Variants in RGL1 observed in about 807,000 individuals in gnomAD.
RGL1 encodes the protein ral guanine nucleotide dissociation stimulator like 1.
RGL1 carries 24 observed loss-of-function variants against 95.2 expected under a neutral mutation model. The observed-to-expected ratio is 0.25, with a 90% confidence interval of 0.18 to 0.35. The LOEUF is 0.35. RGL1 is among the 10% of genes least tolerant of loss of function. RGL1 has a pLI of 1.00. For missense variants in RGL1, 715 were observed against 936.3 expected (o/e 0.76, Z 3.08); for synonymous variants, 329 against 344.9 (o/e 0.95, Z 0.51).
chr1:183,681,524 C>T (rs1653212183), intron 1 of RGL1, among the ~76,000 whole-genome samples: 1 of 152,174 alleles, frequency 6.6e-6, no homozygotes, highest in East Asian at 1.9e-4. Flanking sequence ...AGGGATGAAG[C>T]TGACTTGATC....
intron 1 of RGL1, among the ~76,000 whole-genome samples, chr1:183,643,048 C>A (rs1650034950): frequency 1.3e-5 from 2 of 152,276 alleles, no homozygotes; most frequent in African/African-American, 4.8e-5. Flanking sequence ...GTTTATTTAA[C>A]TTGGCATAAT....
chr1:183,902,684 C>A, intron 12 of RGL1, 84 bp downstream of exon 12: 2 of 1,377,618 alleles, frequency 1.5e-6, no homozygotes, highest in South Asian at 1.3e-5. Context: ...TTTGTAGAGG[C>A]AGAAAAAAAT....
At chr1:183,725,318 A>G (rs1656250856) in intron 1 of RGL1, among the ~76,000 whole-genome samples, 1 of 152,200 alleles carries the variant, frequency 6.6e-6, no homozygotes, top group African/African-American at 2.4e-5. Context: ...TAATTTATAA[A>G]GGAAAGAGGT....
At chr1:183,639,648 A>G (rs1322467211) in intron 1 of RGL1, among the ~76,000 whole-genome samples, 2 of 151,912 alleles carry the variant, frequency 1.3e-5, no homozygotes, top group Non-Finnish European at 2.9e-5. Flanking sequence ...ATTAAAGTGG[A>G]ATAGATAGGG....
At chr1:183,794,092 A>ACG (rs1660575976) in intron 2 of RGL1, among the ~76,000 whole-genome samples, 1 of 149,626 alleles carries the variant, frequency 6.7e-6, no homozygotes, top group South Asian at 2.1e-4. Context: ...ACACACACAC[A>ACG]CGAATACTAT....
At chr1:183,906,544 A>T (rs748801700) in intron 13 of RGL1, among the ~76,000 whole-genome samples, 15 of 152,202 alleles carry the variant, frequency 9.9e-5, no homozygotes, top group Non-Finnish European at 2.2e-4. Flanking sequence ...GATCAGATAG[A>T]TTACAAAAGT....
At chr1:183,849,483 G>GTTTTTTTTTTTTTTT (rs1418103960) in intron 3 of RGL1, among the ~76,000 whole-genome samples, 4 of 120,852 alleles carry the variant, frequency 3.3e-5, no homozygotes, top group East Asian at 2.5e-4. Flanking sequence ...CCAGTTTTTA[G>GTTTTTTTTTTTTTTT]TTTTTTTTTT....
At chr1:183,680,274 G>A (rs1292446145) in intron 1 of RGL1, among the ~76,000 whole-genome samples, 1 of 152,066 alleles carries the variant, frequency 6.6e-6, no homozygotes, top group African/African-American at 2.4e-5. Flanking sequence ...TGGTGTTTTA[G>A]TCATGAAGTC....
intron 1 of RGL1, among the ~76,000 whole-genome samples, chr1:183,687,693 A>C (rs982282862): frequency 6.6e-6 from 1 of 152,160 alleles, no homozygotes; most frequent in Non-Finnish European, 1.5e-5. Flanking sequence ...ACAATGATGT[A>C]AAAGGGAACA....
chr1:183,663,721 C>T (rs1651822276), intron 1 of RGL1, among the ~76,000 whole-genome samples: 1 of 151,472 alleles, frequency 6.6e-6, no homozygotes, highest in African/African-American at 2.4e-5. Context: ...GGGTATATAC[C>T]CAAAGGACTA....
At chr1:183,738,359 T>C (rs1657071433) in intron 1 of RGL1, among the ~76,000 whole-genome samples, 1 of 151,622 alleles carries the variant, frequency 6.6e-6, no homozygotes, top group Non-Finnish European at 1.5e-5. Flanking sequence ...AGGCAGAGGT[T>C]GCAGTAAGCT....
intron 2 of RGL1, among the ~76,000 whole-genome samples, chr1:183,835,111 T>G (rs1663545947): frequency 6.6e-6 from 1 of 152,230 alleles, no homozygotes; most frequent in Non-Finnish European, 1.5e-5. Context: ...TACATAAAAT[T>G]TTGATCATTA....
intron 1 of RGL1, among the ~76,000 whole-genome samples, chr1:183,805,684 G>A (rs897647678): frequency 6.6e-6 from 1 of 152,184 alleles, no homozygotes; most frequent in Non-Finnish European, 1.5e-5. Flanking sequence ...CCAGGGGGTC[G>A]CTGCACAGAT....
At chr1:183,824,159 G>A (rs1365776961) in intron 2 of RGL1, among the ~76,000 whole-genome samples, 1 of 151,942 alleles carries the variant, frequency 6.6e-6, no homozygotes, top group Non-Finnish European at 1.5e-5. Context: ...CTGGGATTTT[G>A]GGAACATTTG....
chr1:183,689,335 G>T (rs1184601807), intron 1 of RGL1, among the ~76,000 whole-genome samples: 2 of 152,174 alleles, frequency 1.3e-5, no homozygotes, highest in African/African-American at 4.8e-5. Flanking sequence ...GCTGACCAGG[G>T]AAGGTGAAGA....
intron 14 of RGL1, among the ~76,000 whole-genome samples, chr1:183,907,326 C>G (rs1271369061): frequency 6.6e-6 from 1 of 152,204 alleles, no homozygotes; most frequent in Non-Finnish European, 1.5e-5. Context: ...CTGAATCACT[C>G]CAGTAACATC....
At chr1:183,688,703 G>A (rs1328008197) in intron 1 of RGL1, among the ~76,000 whole-genome samples, 2 of 152,076 alleles carry the variant, frequency 1.3e-5, no homozygotes, top group East Asian at 1.9e-4. Context: ...ACAGTATTAT[G>A]CATGTATTTA....
At chr1:183,705,904 G>C (rs977233626) in intron 1 of RGL1, among the ~76,000 whole-genome samples, 1 of 152,126 alleles carries the variant, frequency 6.6e-6, no homozygotes, top group Non-Finnish European at 1.5e-5. Flanking sequence ...GAGCTGCTTG[G>C]GGGATGGGAT....
chr1:183,835,239 T>C (rs755994079), intron 2 of RGL1, among the ~76,000 whole-genome samples: 2 of 152,054 alleles, frequency 1.3e-5, no homozygotes, highest in South Asian at 2.1e-4. Context: ...TTAAATGTTT[T>C]TTTACAAGTC....
Sources: gnomAD v4.1 joint callset for allele counts (sites outside exome capture counted in the v4.1 genomes callset) on GRCh38, gnomAD v4.1.1 for gene constraint, MANE v1.5 for transcripts, NCBI Gene and HGNC (gene_info 2026-07-23, HGNC 2026-07-21) for gene names.